Variants in XG observed in about 807,000 individuals in gnomAD.
XG encodes Xg glycoprotein (Xg blood group).
A neutral mutation model predicts 25.7 loss-of-function variants in XG; 24 were observed. The observed-to-expected ratio is 0.93, with a 90% CI of 0.68 to 1.31. The LOEUF is 1.31. Among genes scored for constraint, XG ranks in the 40% most tolerant of loss-of-function variants. The pLI, the probability that XG is intolerant of heterozygous loss-of-function variation, is 0.00. For synonymous variants in XG, 77 were observed against 69.2 expected (o/e 1.11, Z -0.56); for missense variants, 181 against 187.6 (o/e 0.96, Z 0.21).
chrX:2,776,367 T>A (rs2050990345), intron 3 of XG, among the ~76,000 whole-genome samples: 1 of 152,146 alleles, frequency 6.6e-6, no homozygotes, highest in Admixed American at 6.6e-5. Context: ...GCTTTAAGAC[T>A]ATTACAAGGT....
intron 1 of XG, among the ~76,000 whole-genome samples, chrX:2,758,873 C>T (rs1316836581): frequency 6.6e-6 from 1 of 152,194 alleles, no homozygotes; most frequent in South Asian, 2.1e-4. Context: ...CATTATCCAT[C>T]CACCTATCTG....
At chrX:2,764,349 C>A (rs770399585) in intron 1 of XG, among the ~76,000 whole-genome samples, 113 of 152,282 alleles carry the variant, frequency 7.4e-4, no homozygotes, top group African/African-American at 2.6e-3. Flanking sequence ...AATAAACTTG[C>A]TTTCATTTTA....
rs549644792 is a variant in XG, at chrX:2,761,144, C to T, written c.61+8809C>T. On this transcript the variant is annotated intron_variant, in intron 1 of 10. Transcript: ENST00000644266. ...AGGCCTAATCCCTAGGACCTCAGAA[C>T]ATGACTGTGTTTGGTGATGGGGTCT... is the stretch of plus-strand genomic sequence containing the variant. Among the ~76,000 whole-genome samples, 3 of 152,246 alleles carry T rather than the reference C, an allele frequency of 2.0e-5. No homozygotes were observed. In the East Asian group the frequency reaches 5.8e-4, roughly 29 times the overall value.
intron 3 of XG, 105 bp from the exon 4 acceptor site, chrX:2,781,961 C>A: frequency 1.2e-6 from 1 of 843,475 alleles, no homozygotes; most frequent in Admixed American, 2.4e-5. Flanking sequence ...CAAATCAGAA[C>A]AAACTGCAAG....
chrX:2,773,969 T>G (rs952105200), intron 2 of XG, among the ~76,000 whole-genome samples: 1 of 152,124 alleles, frequency 6.6e-6, no homozygotes, highest in African/African-American at 2.4e-5. Flanking sequence ...GTTCAAGCTC[T>G]CCTTCTTGCA....
chrX:2,753,328 G>A (rs965635879), intron 1 of XG, among the ~76,000 whole-genome samples: 1 of 152,156 alleles, frequency 6.6e-6, no homozygotes. Context: ...TCTGTTTACA[G>A]GGAGATGTTC....
Position 2,794,612 on chromosome X carries a change from C to G in XG, c.322+9C>G, listed in dbSNP as rs370718003. 1 of 1,209,425 alleles carries G rather than the reference C, an allele frequency of 8.3e-7. No individual in the cohort carries two copies. Among genetic ancestry groups the G allele is most frequent in the Non-Finnish European group, 1.1e-6 (1 of 894,476 alleles). ...GCCACGGCCGCCTGCAGGTAGGTGC[C>G]GAGCCTCCCCAGATGCGACACATTG... On this transcript the variant is annotated intron_variant, in intron 6 of 10. Transcript: ENST00000644266.
At chrX:2,760,968 C>T (rs1421392131) in intron 1 of XG, among the ~76,000 whole-genome samples, 1 of 151,618 alleles carries the variant, frequency 6.6e-6, no homozygotes, top group Non-Finnish European at 1.5e-5. Flanking sequence ...AGCTTCCAGG[C>T]CTGTGGGAGA....
rs533024164 is a variant in XG at position 2,770,653 on chromosome X, G to C, written c.103+62G>C. ...CAGCTTGGATCTAACAGCATCAGCT[G>C]TATAGTTACTTTGGGGTTGGATTGG... On this transcript the variant is annotated intron_variant, in intron 2 of 10. Transcript: ENST00000644266. The C allele has an allele frequency of 1.7e-5, 27 of 1,603,592 alleles. 1 individual carries two copies. In the South Asian group the frequency reaches 2.8e-4, roughly 16 times the overall value.
At chrX:2,781,266 C>T (rs971431985) in intron 3 of XG, among the ~76,000 whole-genome samples, 8 of 151,372 alleles carry the variant, frequency 5.3e-5, no homozygotes, top group African/African-American at 1.7e-4. Flanking sequence ...TAGGATTAAA[C>T]AAGTTTTACT....
intron 10 of XG, among the ~76,000 whole-genome samples, chrX:2,812,128 A>G (rs1204397003): frequency 2.7e-5 from 3 of 111,742 alleles, no homozygotes; most frequent in Non-Finnish European, 3.8e-5. Context: ...CGAGTCAGGA[A>G]AAATACCTGG....
chrX:2,789,767 A>G, intron 5 of XG, 61 bp downstream of exon 5: 1 of 596,372 alleles, frequency 1.7e-6, no homozygotes, highest in Non-Finnish European at 2.3e-6. Context: ...TTACTATTTT[A>G]TTTGATTCTA....
intron 2 of XG, among the ~76,000 whole-genome samples, chrX:2,773,913 T>G (rs1311924498): frequency 6.6e-6 from 1 of 151,924 alleles, no homozygotes; most frequent in African/African-American, 2.4e-5. Flanking sequence ...ATGAGAAACC[T>G]TCTATTAAAA....
chrX:2,759,008 CTATGTATCTATG>C (rs2050499410), intron 1 of XG, among the ~76,000 whole-genome samples: 1 of 128,834 alleles, frequency 7.8e-6, no homozygotes, highest in South Asian at 2.8e-4. Context: ...TATTACCTAT[CTATGTATCTATG>C]TATCTATCTA....
At chrX:2,762,737 T>C (rs1196431797) in intron 1 of XG, among the ~76,000 whole-genome samples, 1 of 152,196 alleles carries the variant, frequency 6.6e-6, no homozygotes, top group African/African-American at 2.4e-5. Flanking sequence ...CCTACGGTCC[T>C]AACCTAGTCA....
chrX:2,771,138 C>T lies in XG; in HGVS notation c.103+547C>T, dbSNP rs764933397. Among the ~76,000 whole-genome samples the T allele has an allele frequency of 4.6e-5, 7 of 152,260 alleles. No homozygotes were observed. In the East Asian group the frequency reaches 1.2e-3, roughly 25 times the overall value. On this transcript the variant is annotated intron_variant, in intron 2 of 10. Transcript: ENST00000644266. ...CAAAACACTGGGATTACAGACGTGC[C>T]TCAACATGCCTGGCCCAGTTTCTGC...
At chrX:2,808,264 A>G in intron 9 of XG, 44 bp downstream of exon 9, 1 of 1,192,403 alleles carries the variant, frequency 8.4e-7, no homozygotes, top group Non-Finnish European at 1.1e-6. Flanking sequence ...ATAAGAGCAC[A>G]CTCTCCTAGA....
intron 1 of XG, among the ~76,000 whole-genome samples, chrX:2,760,769 G>A (rs1003098574): frequency 2.0e-5 from 3 of 147,794 alleles, no homozygotes; most frequent in Admixed American, 2.0e-4. Context: ...GGTGATTCAG[G>A]CAAAATGAGG....
At chrX:2,775,967 AAAAAAGAAAAG>A (rs1348986858) in intron 3 of XG, among the ~76,000 whole-genome samples, 4 of 107,630 alleles carry the variant, frequency 3.7e-5, no homozygotes, top group Non-Finnish European at 7.6e-5. Flanking sequence ...AAAAAAAAAA[AAAAAAGAAAAG>A]AAAAGAAAAG....
Sources: gnomAD v4.1 joint callset for allele counts (sites outside exome capture counted in the v4.1 genomes callset) on GRCh38, gnomAD v4.1.1 for gene constraint, MANE v1.5 for transcripts, NCBI Gene and HGNC (gene_info 2026-07-23, HGNC 2026-07-21) for gene names.